Variants in OR51D1 observed in about 807,000 individuals in gnomAD.
The protein encoded by OR51D1 is olfactory receptor 51D1.
For synonymous variants in OR51D1, 187 were observed against 161.1 expected (o/e 1.16, Z -1.22); for missense variants, 452 against 396.2 (o/e 1.14, Z -1.20).
In OR51D1 at chr11:4,641,594, G is replaced by C. The variant is rs565994645; in HGVS notation, c.*829G>C. The C allele has an allele frequency of 6.6e-6, 1 of 152,576 alleles. No individual in the cohort carries two copies. Among genetic ancestry groups the C allele is most frequent in the South Asian group, 2.1e-4 (1 of 4,826 alleles). The allele number at this position is 152,576 out of a possible 1,614,324, so 9.5% of individuals were successfully genotyped here. Reference sequence around the variant, plus strand: ...TGATATGTGTCTACGTGAGAATGCTGGTGTCTGTATCTGCATGGTGGGCAG... The same window carrying C: ...TGATATGTGTCTACGTGAGAATGCTCGTGTCTGTATCTGCATGGTGGGCAG... On this transcript the variant is annotated 3_prime_UTR_variant, in exon 2 of 2. Coordinates refer to ENST00000641817, the MANE Select transcript of OR51D1 (RefSeq NM_001004751.3).
chr11:4,640,277 AC>A lies in OR51D1; in HGVS notation c.489del (p.Arg164GlyfsTer35), dbSNP rs749793823. ...GGCCAAGATTGGACTATCTGCCCTG[AC>A]CAGGGGGTTTGTATTCTTCTTCCCA... ...TVAKIGLSAL[T>X]RGFVFFFPLP... On this transcript the variant is annotated frameshift_variant, in exon 2 of 2. Coordinates refer to ENST00000641817, the MANE Select transcript of OR51D1 (RefSeq NM_001004751.3). LOFTEE classifies it low-confidence loss of function (END_TRUNC). The A allele has an allele frequency of 1.4e-5, 22 of 1,614,056 alleles. No individual in the cohort carries two copies. The Admixed American group carries it at 3.7e-4, about 27-fold the overall frequency.
Position 4,640,023 on chromosome 11 carries a change from T to A in OR51D1, c.233T>A (p.Met78Lys). 2 of 1,614,180 alleles carry A rather than the reference T, an allele frequency of 1.2e-6. No individual in the cohort carries two copies. The highest frequency in any genetic ancestry group is 1.7e-6 in the Non-Finnish European group (2 of 1,180,026). ...LHEPMYLFLAMLSTIDLVLSS... is the reference protein window; with the variant it reads ...LHEPMYLFLAKLSTIDLVLSS... ...GAGCCCATGTACCTCTTCCTGGCCA[T>A]GCTTTCCACTATTGACCTAGTCCTC... is the stretch of plus-strand genomic sequence containing the variant. The change falls in exon 2 of 2, where the codon ATG (methionine) becomes AAG (lysine). Residue 78 changes from methionine to lysine, a missense_variant. By Grantham distance (95) the Met-to-Lys change is moderately conservative. Transcript: ENST00000641817.
rs893956089 is a variant in OR51D1, at chr11:4,642,880, C to G, written c.*2115C>G. 1 of 152,218 alleles carries G rather than the reference C, an allele frequency of 6.6e-6. No individual in the cohort carries two copies. The highest frequency in any genetic ancestry group is 3.2e-3 in the Middle Eastern group (1 of 316). The allele number at this position is 152,218 out of a possible 1,614,324, so 9.4% of individuals were successfully genotyped here. On this transcript the variant is annotated 3_prime_UTR_variant, in exon 2 of 2. Coordinates refer to ENST00000641817, the MANE Select transcript of OR51D1 (RefSeq NM_001004751.3). ...GCTCCAGGGTTCTGATAGCAAGTGT[C>G]AGGCTGCGTGCTCTGTAGGCACCAG...
At position 4,641,901 on chromosome 11, in the gene OR51D1, A is replaced by G. The variant is rs1846972780; in HGVS notation, c.*1136A>G. ...CTATTTTCGTGCATATGTCTAGTGTATATGTTTTAAGGCAAACTTTCTTTG... is the reference window on the plus strand; with the variant it reads ...CTATTTTCGTGCATATGTCTAGTGTGTATGTTTTAAGGCAAACTTTCTTTG... On this transcript the variant is annotated 3_prime_UTR_variant, in exon 2 of 2. Coordinates refer to ENST00000641817, the MANE Select transcript of OR51D1 (RefSeq NM_001004751.3). 6.6e-6 allele frequency: 1 copy of G among 152,356 alleles called. No individual in the cohort carries two copies. The highest frequency in any genetic ancestry group is 1.5e-5 in the Non-Finnish European group (1 of 68,032). 9.4% of individuals were successfully genotyped at this position (152,356 alleles called of 1,614,324 possible).
chr11:4,639,670 T>G (rs1373333893), intron 1 of OR51D1, 107 bp from the exon 2 acceptor site: 8 of 991,914 alleles, frequency 8.1e-6, no homozygotes, highest in Non-Finnish European at 1.2e-5. Context: ...GATGACTTAG[T>G]CCTGTTTGTT....
rs1235131525 is a variant in OR51D1, at chr11:4,640,723, C to A, written c.933C>A (p.Ile311=). Residue 311 remains isoleucine, a synonymous_variant, in exon 2 of 2, where the codon ATC becomes ATA. Coordinates refer to ENST00000641817, the MANE Select transcript of OR51D1 (RefSeq NM_001004751.3). ...PLVYGAKTKE[I]CSRVLCMFSQ... is the part of the protein sequence containing the mutation. Reference sequence around the variant, plus strand: ...TCTATGGAGCCAAGACCAAAGAGATCTGTTCAAGGGTCCTCTGTATGTTCT... The same window carrying A: ...TCTATGGAGCCAAGACCAAAGAGATATGTTCAAGGGTCCTCTGTATGTTCT... 1 of 1,613,780 alleles carries A rather than the reference C, an allele frequency of 6.2e-7. No homozygotes were observed. Among genetic ancestry groups the A allele is most frequent in the Non-Finnish European group, 8.5e-7 (1 of 1,179,924 alleles).
chr11:4,639,856 A>C lies in OR51D1; in HGVS notation c.66A>C (p.Ala22=). The C allele has an allele frequency of 6.2e-7, 1 of 1,614,182 alleles. No individual in the cohort carries two copies. The highest frequency in any genetic ancestry group is 8.5e-7 in the Non-Finnish European group (1 of 1,180,024). Residue 22 remains alanine, a synonymous_variant, in exon 2 of 2, where the codon GCA becomes GCC. Transcript: ENST00000641817. The part of the protein sequence containing the change: ...ATSNGNLVHA[A]YFLLVGIPGL... ...CAAATGGAAATCTGGTCCACGCAGCATACTTCCTTTTGGTGGGTATCCCTG... is the reference window on the plus strand; with the variant it reads ...CAAATGGAAATCTGGTCCACGCAGCCTACTTCCTTTTGGTGGGTATCCCTG...
intron 1 of OR51D1, among the ~76,000 whole-genome samples, chr11:4,638,861 C>T (rs1269349852): frequency 6.6e-6 from 1 of 152,110 alleles, no homozygotes; most frequent in African/African-American, 2.4e-5. Context: ...GGGGTGATCT[C>T]GTCTCACTGC....
Position 4,640,279 on chromosome 11 carries a change from C to T in OR51D1, c.489C>T (p.Thr163=), listed in dbSNP as rs1209264719. 1.9e-6 allele frequency: 3 copies of T among 1,614,068 alleles called. No homozygotes were observed. The highest frequency in any genetic ancestry group is 1.1e-5 in the South Asian group (1 of 91,082). The change falls in exon 2 of 2, where the codon ACC becomes ACT. Residue 163 remains threonine (T), a synonymous_variant. Transcript: ENST00000641817. ...TVAKIGLSAL[T]RGFVFFFPLP... is the part of the protein sequence containing the mutation. Reference sequence around the variant, plus strand: ...CCAAGATTGGACTATCTGCCCTGACCAGGGGGTTTGTATTCTTCTTCCCAC... The same window carrying T: ...CCAAGATTGGACTATCTGCCCTGACTAGGGGGTTTGTATTCTTCTTCCCAC...
rs749102824 is a variant in OR51D1, at chr11:4,640,071, T to G, written c.281T>G (p.Met94Arg). Reference sequence around the variant, plus strand: ...CTCTCCTCTATCACCATGCCCAAGATGGCCAGTCTTTTCCTGATGGGCATC... The same window carrying G: ...CTCTCCTCTATCACCATGCCCAAGAGGGCCAGTCTTTTCCTGATGGGCATC... ...LVLSSITMPK[M>R]ASLFLMGIQE... The change falls in exon 2 of 2, where the codon ATG (methionine) becomes AGG (arginine). Residue 94 changes from methionine (M) to arginine (R), a missense_variant. Met to Arg is a moderately conservative substitution (Grantham distance 91, BLOSUM62 -1). Transcript: ENST00000641817. The G allele has an allele frequency of 1.1e-5, 17 of 1,614,088 alleles. No individual in the cohort carries two copies. Among genetic ancestry groups the G allele is most frequent in the Admixed American group, 1.7e-5 (1 of 60,008 alleles).
intron 1 of OR51D1, among the ~76,000 whole-genome samples, chr11:4,639,114 T>G (rs962252829): frequency 6.6e-6 from 1 of 152,188 alleles, no homozygotes; most frequent in Non-Finnish European, 1.5e-5. Flanking sequence ...TTTAAAAAGA[T>G]TTCCAAAACC....
chr11:4,640,926 C>T lies in OR51D1; in HGVS notation c.*161C>T. ...TCTCCAGGAATGTGTCAGTACTGAA[C>T]TTATGACCCTGTCTGGACATCCTGG... On this transcript the variant is annotated 3_prime_UTR_variant, in exon 2 of 2. Transcript: ENST00000641817. 1 of 652,484 alleles carries T rather than the reference C, an allele frequency of 1.5e-6. No homozygotes were observed. The highest frequency in any genetic ancestry group is 2.6e-6 in the Non-Finnish European group (1 of 388,054). 40.4% of individuals were successfully genotyped at this position (652,484 alleles called of 1,614,324 possible). A position where few individuals can be genotyped will look rare whatever the true frequency, so the allele number is the denominator to read the frequency against.
At position 4,640,941 on chromosome 11, in the gene OR51D1, G is replaced by T; in HGVS notation, c.*176G>T. 1 of 597,380 alleles carries T rather than the reference G, an allele frequency of 1.7e-6. No individual in the cohort carries two copies. The highest frequency in any genetic ancestry group is 3.1e-5 in the Admixed American group (1 of 32,138). 37.0% of individuals were successfully genotyped at this position (597,380 alleles called of 1,614,324 possible). ...CAGTACTGAACTTATGACCCTGTCT[G>T]GACATCCTGGAGAATGACTGCACTA... On this transcript the variant is annotated 3_prime_UTR_variant, in exon 2 of 2. Coordinates refer to ENST00000641817, the MANE Select transcript of OR51D1 (RefSeq NM_001004751.3).
Position 4,640,349 on chromosome 11 carries a change from G to A in OR51D1, c.559G>A (p.Val187Ile), listed in dbSNP as rs1419978432. The A allele has an allele frequency of 3.1e-6, 5 of 1,614,044 alleles. No individual in the cohort carries two copies. In the African/African-American group the frequency reaches 6.7e-5, roughly 22 times the overall value. The change falls in exon 2 of 2, where the codon GTC becomes ATC. Residue 187 changes from valine to isoleucine, a missense_variant. By Grantham distance (29) the Val-to-Ile change is conservative. Coordinates refer to ENST00000641817, the MANE Select transcript of OR51D1 (RefSeq NM_001004751.3). ...GTTGTCCTACTGCCAAACACATACT[G>A]TCACACACTCCTTCTGTCTGCACCA... ...KWLSYCQTHT[V>I]THSFCLHQDI...
At chr11:4,639,744 G>A (rs781550176) in intron 1 of OR51D1, 33 bp from the exon 2 acceptor site, 5 of 1,576,642 alleles carry the variant, frequency 3.2e-6, no homozygotes, top group East Asian at 4.5e-5. Flanking sequence ...ACAACTAAAT[G>A]ATGTTTCTAC....
Position 4,640,076 on chromosome 11 carries a change from A to G in OR51D1, c.286A>G (p.Ser96Gly). The change falls in exon 2 of 2, where the codon AGT becomes GGT. Residue 96 changes from serine (S) to glycine (G), a missense_variant. Transcript: ENST00000641817. ...LSSITMPKMA[S>G]LFLMGIQEIE... ...CTCTATCACCATGCCCAAGATGGCC[A>G]GTCTTTTCCTGATGGGCATCCAGGA... 6.2e-7 allele frequency: 1 copy of G among 1,614,198 alleles called. No individual in the cohort carries two copies. The highest frequency in any genetic ancestry group is 8.5e-7 in the Non-Finnish European group (1 of 1,180,018).
At position 4,641,768 on chromosome 11, in the gene OR51D1, G is replaced by A. The variant is rs1341587025; in HGVS notation, c.*1003G>A. 1.3e-5 allele frequency: 2 copies of A among 152,562 alleles called. No homozygotes were observed. Among genetic ancestry groups the A allele is most frequent in the Non-Finnish European group, 2.9e-5 (2 of 68,044 alleles). 9.5% of individuals were successfully genotyped at this position (152,562 alleles called of 1,614,324 possible). ...CAGCGTGTTTGGGTGTATGTCCACT[G>A]TGCATAATATTTGAGATGTAAAACC... On this transcript the variant is annotated 3_prime_UTR_variant, in exon 2 of 2. Transcript: ENST00000641817.
rs1349749950 is a variant in OR51D1 at position 4,640,278 on chromosome 11, C to G, written c.488C>G (p.Thr163Ser). The change falls in exon 2 of 2, where the codon ACC becomes AGC. Residue 163 changes from threonine to serine, a missense_variant. Physicochemically the swap from Thr to Ser is moderately conservative, Grantham distance 58. Transcript: ENST00000641817. ...GCCAAGATTGGACTATCTGCCCTGACCAGGGGGTTTGTATTCTTCTTCCCA... is the reference window on the plus strand; with the variant it reads ...GCCAAGATTGGACTATCTGCCCTGAGCAGGGGGTTTGTATTCTTCTTCCCA... ...TVAKIGLSAL[T>S]RGFVFFFPLP... The G allele has an allele frequency of 6.2e-7, 1 of 1,614,126 alleles. No homozygotes were observed. Among genetic ancestry groups the G allele is most frequent in the South Asian group, 1.1e-5 (1 of 91,082 alleles).
chr11:4,639,879 C>T lies in OR51D1; in HGVS notation c.89C>T (p.Pro30Leu), dbSNP rs1357243415. The change falls in exon 2 of 2, where the codon CCT becomes CTT. Residue 30 changes from proline to leucine, a missense_variant. Coordinates refer to ENST00000641817, the MANE Select transcript of OR51D1 (RefSeq NM_001004751.3). ...GCATACTTCCTTTTGGTGGGTATCCCTGGCCTGGGGCCTACCATACACTTT... is the reference window on the plus strand; with the variant it reads ...GCATACTTCCTTTTGGTGGGTATCCTTGGCCTGGGGCCTACCATACACTTT... ...HAAYFLLVGI[P>L]GLGPTIHFWL... The T allele has an allele frequency of 8.7e-6, 14 of 1,614,114 alleles. No homozygotes were observed. The highest frequency in any genetic ancestry group is 1.2e-5 in the Non-Finnish European group (14 of 1,180,052).
Sources: allele counts gnomAD v4.1 joint callset (sites outside exome capture counted in the v4.1 genomes callset), GRCh38; gene constraint gnomAD v4.1.1; transcripts MANE v1.5; gene names NCBI Gene and HGNC (gene_info 2026-07-23, HGNC 2026-07-21).